Variants in ITPRID1 observed in about 807,000 individuals in gnomAD.
The protein encoded by ITPRID1 is ITPR interacting domain containing 1, also known as protein ITPRID1.
In ITPRID1, 96 loss-of-function variants were observed where a neutral mutation model predicts 95.4. The observed-to-expected ratio is 1.01, with a 90% CI of 0.85 to 1.19. The LOEUF is 1.19. Ranked by LOEUF, ITPRID1 falls within the 50% of genes most tolerant of loss-of-function variation. The probability of loss-of-function intolerance (pLI) is 0.00; values close to 1 mark genes in which losing one functional copy is unlikely to be tolerated. For missense variants in ITPRID1, 1,339 were observed against 1,252.9 expected (o/e 1.07, Z -1.04); for synonymous variants, 510 against 453.6 (o/e 1.12, Z -1.58).
intron 10 of ITPRID1, among the ~76,000 whole-genome samples, chr7:31,617,779 TAATAAAGATAAAATGAA>T (rs1012435459): frequency 7.2e-5 from 11 of 152,130 alleles, no homozygotes; most frequent in East Asian, 3.8e-4. Context: ...AAATTGAAGA[TAATAAAGATAAAATGAA>T]AATGAAGATA....
intron 1 of ITPRID1, among the ~76,000 whole-genome samples, chr7:31,533,444 TTTG>T (rs976526471): frequency 6.6e-6 from 1 of 152,204 alleles, no homozygotes; most frequent in African/African-American, 2.4e-5. Flanking sequence ...TAAAATTATC[TTTG>T]TTATCTGTTT....
intron 5 of ITPRID1, among the ~76,000 whole-genome samples, chr7:31,566,529 G>A (rs540374508): frequency 6.6e-6 from 1 of 152,338 alleles, no homozygotes; most frequent in South Asian, 2.1e-4. Flanking sequence ...CACAAATGGA[G>A]GCCTTACTTT....
intron 1 of ITPRID1, among the ~76,000 whole-genome samples, chr7:31,539,419 A>G (rs546107415): frequency 1.3e-5 from 2 of 152,306 alleles, no homozygotes; most frequent in Admixed American, 1.3e-4. Flanking sequence ...TCCTAAGCTC[A>G]GGCAATCTAT....
chr7:31,651,378 C>G (rs913509997), intron 13 of ITPRID1, 109 bp downstream of exon 13: 1 of 1,264,270 alleles, frequency 7.9e-7, no homozygotes, highest in Non-Finnish European at 1.0e-6. Flanking sequence ...TAATGAGAAA[C>G]CGGCCAGCTT....
At chr7:31,567,439 TGAA>T (rs1169862736) in intron 5 of ITPRID1, among the ~76,000 whole-genome samples, 1 of 152,204 alleles carries the variant, frequency 6.6e-6, no homozygotes, top group Non-Finnish European at 1.5e-5. Context: ...GTGGTTTTCC[TGAA>T]GAAGGGATAA....
intron 10 of ITPRID1, among the ~76,000 whole-genome samples, chr7:31,616,331 G>A (rs913267862): frequency 1.3e-5 from 2 of 152,070 alleles, no homozygotes; most frequent in African/African-American, 4.8e-5. Context: ...GTGAATATAT[G>A]CATATTGGGT....
At chr7:31,642,035 A>T (rs983542706) in intron 10 of ITPRID1, 141 bp from the exon 11 acceptor site, 8 of 514,102 alleles carry the variant, frequency 1.6e-5, no homozygotes, top group Middle Eastern at 5.3e-4. Flanking sequence ...TGTCCTTGGA[A>T]TTCCCTCATT....
intron 10 of ITPRID1, among the ~76,000 whole-genome samples, chr7:31,638,569 TA>T (rs1789706559): frequency 6.6e-6 from 1 of 152,188 alleles, no homozygotes; most frequent in Non-Finnish European, 1.5e-5. Context: ...AATAAATAAA[TA>T]AAATATTCAG....
In ITPRID1 at chr7:31,624,645, G is replaced by A. The variant is rs1237781777; in HGVS notation, c.1229-17531G>A. Among the ~76,000 whole-genome samples the A allele has an allele frequency of 2.1e-4, 31 of 150,098 alleles. No individual in the cohort carries two copies. The South Asian group carries it at 5.4e-3, about 26-fold the overall frequency. ...TTCAAGATGGATTAAAGACTTAAACGTTAGACCTAAAACCATAAAAACCCT... is the reference window on the plus strand; with the variant it reads ...TTCAAGATGGATTAAAGACTTAAACATTAGACCTAAAACCATAAAAACCCT... On this transcript the variant is annotated intron_variant, in intron 10 of 14. Transcript: ENST00000615280.
rs754275371 is a variant in ITPRID1, at chr7:31,553,183, G to C, written c.159G>C (p.Met53Ile). Reference protein sequence around the residue: ...EEESQSLTIPMLEDSKQESIQ... With the variant: ...EEESQSLTIPILEDSKQESIQ... ...AAAGCCAGAGTCTCACCATCCCCAT[G>C]CTGGGTGAGAAGGACTCTCAGGCCT... is the stretch of plus-strand genomic sequence containing the variant. The change falls in exon 3 of 15, where the codon ATG (methionine) becomes ATC (isoleucine). Residue 53 changes from methionine to isoleucine, a missense_variant. Physicochemically the swap from Met to Ile is conservative, Grantham distance 10. Coordinates refer to ENST00000615280, the MANE Select transcript of ITPRID1 (RefSeq NM_001257967.3). 2 of 1,574,602 alleles carry C rather than the reference G, an allele frequency of 1.3e-6. No individual in the cohort carries two copies. The highest frequency in any genetic ancestry group is 2.3e-5 in the South Asian group (2 of 85,840).
rs2128178547 is a variant in ITPRID1, at chr7:31,621,444, C to T, written c.1229-20732C>T. Among the ~76,000 whole-genome samples the T allele has an allele frequency of 1.9e-5, 2 of 103,790 alleles. 1 individual carries two copies. Among genetic ancestry groups the T allele is most frequent in the South Asian group, 8.6e-4 (2 of 2,318 alleles). 68.1% of individuals were successfully genotyped at this position (103,790 alleles called of 152,430 possible). A position where few individuals can be genotyped will look rare whatever the true frequency, so the allele number is the denominator to read the frequency against. ...CCTACAAGCCAGAAGAGAGTGGGGG[C>T]CAATATTCAACATTCTTAAAGAAAA... On this transcript the variant is annotated intron_variant, in intron 10 of 14. Coordinates refer to ENST00000615280, the MANE Select transcript of ITPRID1 (RefSeq NM_001257967.3).
chr7:31,605,929 A>G (rs1786602440), intron 10 of ITPRID1, among the ~76,000 whole-genome samples: 1 of 152,180 alleles, frequency 6.6e-6, no homozygotes, highest in South Asian at 2.1e-4. Flanking sequence ...GACATGGTCT[A>G]TTTCCTTTAG....
intron 9 of ITPRID1, among the ~76,000 whole-genome samples, chr7:31,579,987 T>C (rs1785336942): frequency 6.6e-6 from 1 of 152,092 alleles, no homozygotes; most frequent in East Asian, 1.9e-4. Context: ...ACCAAGCCAA[T>C]AGTTAAATTA....
chr7:31,611,006 TTA>T (rs1344141524), intron 10 of ITPRID1, among the ~76,000 whole-genome samples: 3 of 151,774 alleles, frequency 2.0e-5, no homozygotes, highest in Non-Finnish European at 3.0e-5. Flanking sequence ...ATTATATGTT[TTA>T]TATGTCTTAT....
At chr7:31,518,199 C>CTA (rs1783109805) in intron 1 of ITPRID1, 1 of 152,276 alleles carries the variant, frequency 6.6e-6, no homozygotes, top group African/African-American at 2.4e-5. Context: ...AAGCCACGAG[C>CTA]TATGGAATGG....
At chr7:31,597,704 C>A (rs1052204292) in intron 10 of ITPRID1, among the ~76,000 whole-genome samples, 6 of 152,058 alleles carry the variant, frequency 3.9e-5, no homozygotes, top group African/African-American at 1.4e-4. Flanking sequence ...AATAAATCTT[C>A]ACCAAATTAA....
chr7:31,604,363 T>C (rs1196280272), intron 10 of ITPRID1, among the ~76,000 whole-genome samples: 1 of 152,230 alleles, frequency 6.6e-6, no homozygotes, highest in Admixed American at 6.5e-5. Context: ...TTCACAGATC[T>C]ATGTGATTTC....
intron 9 of ITPRID1, among the ~76,000 whole-genome samples, chr7:31,579,393 T>G (rs975726814): frequency 3.9e-5 from 6 of 152,216 alleles, no homozygotes; most frequent in African/African-American, 1.4e-4. Flanking sequence ...AAAGTGGGCT[T>G]ACTTCTCCGT....
At chr7:31,595,059 T>A (rs1786024275) in intron 10 of ITPRID1, among the ~76,000 whole-genome samples, 1 of 151,248 alleles carries the variant, frequency 6.6e-6, no homozygotes, top group African/African-American at 2.4e-5. Flanking sequence ...GCAAAGATTC[T>A]TTTATAATTT....
Sources: gnomAD v4.1 joint callset for allele counts (sites outside exome capture counted in the v4.1 genomes callset) on GRCh38, gnomAD v4.1.1 for gene constraint, MANE v1.5 for transcripts, NCBI Gene and HGNC (gene_info 2026-07-23, HGNC 2026-07-21) for gene names.